FSTL4: variants seen among roughly 807,000 people sequenced by gnomAD.
FSTL4 encodes the protein follistatin-related protein 4.
Under a neutral mutation model 78.2 loss-of-function variants are expected in FSTL4, and 28 were observed. That is an observed-to-expected ratio of 0.36 (90% CI 0.27 to 0.49). The LOEUF is 0.49. Ranked by LOEUF, FSTL4 falls within the 20% of genes least tolerant of loss-of-function variation. The probability of loss-of-function intolerance (pLI) is 0.98; values close to 1 mark genes in which losing one functional copy is unlikely to be tolerated. For synonymous variants in FSTL4, 422 were observed against 440.5 expected, an observed-to-expected ratio of 0.96 and a Z score of 0.53; for missense variants, 922 against 1,084.9, an observed-to-expected ratio of 0.85 and a Z score of 2.11.
the FSTL4 span, among the ~76,000 whole-genome samples, chr5:133,705,869 G>GCGCGCGCACACA: frequency 6.8e-5 from 10 of 147,894 alleles, no homozygotes; most frequent in African/African-American, 2.5e-4. Flanking sequence ...ACACACACAC[G>GCGCGCGCACACA]CACACACACA....
intron 14 of FSTL4, among the ~76,000 whole-genome samples, chr5:133,202,998 T>C (rs11949950): frequency 0.011 from 1,742 of 152,264 alleles, 33 homozygotes; most frequent in African/African-American, 0.04. Context: ...ACCCCTGTGG[T>C]CAGGCTGGGC....
rs921122722 is a variant in FSTL4, at chr5:133,603,738, G to A, written c.126+120C>T. On this transcript the variant is annotated intron_variant, in intron 2 of 15. Coordinates refer to ENST00000265342, the MANE Select transcript of FSTL4 (RefSeq NM_015082.2). ...CTTCTGTCCCCACCAAAAAGGAAGTGCAATTTTAATTCACTTTGTGATCTA... is the reference window on the plus strand; with the variant it reads ...CTTCTGTCCCCACCAAAAAGGAAGTACAATTTTAATTCACTTTGTGATCTA... 36 of 1,162,688 alleles carry A rather than the reference G, an allele frequency of 3.1e-5. 1 individual carries two copies. In the African/African-American group the frequency reaches 3.3e-4, roughly 11 times the overall value. The allele number at this position is 1,162,688 out of a possible 1,614,324, so 72.0% of individuals were successfully genotyped here.
chr5:133,377,323 A>G (rs1465420392), intron 4 of FSTL4, among the ~76,000 whole-genome samples: 2 of 150,148 alleles, frequency 1.3e-5, no homozygotes, highest in Non-Finnish European at 2.9e-5. Flanking sequence ...AGAGTCTACC[A>G]TGACAACCAG....
At chr5:133,734,228 G>T in the FSTL4 span, among the ~76,000 whole-genome samples, 1 of 152,198 alleles carries the variant, frequency 6.6e-6, no homozygotes, top group Non-Finnish European at 1.5e-5. Flanking sequence ...GTAACATAGA[G>T]ACTTTTGTTT....
intron 6 of FSTL4, among the ~76,000 whole-genome samples, chr5:133,257,344 G>C (rs1237820062): frequency 1.3e-5 from 2 of 152,176 alleles, no homozygotes; most frequent in African/African-American, 4.8e-5. Context: ...TTTCTTGGTA[G>C]AGCCCTCCCT....
intron 6 of FSTL4, among the ~76,000 whole-genome samples, chr5:133,311,859 C>T (rs1039108002): frequency 6.6e-6 from 1 of 152,090 alleles, no homozygotes; most frequent in Non-Finnish European, 1.5e-5. Context: ...ATGTAAGGGG[C>T]TTCATCTCTT....
the FSTL4 span, among the ~76,000 whole-genome samples, chr5:133,660,639 C>T: frequency 1.9e-4 from 29 of 152,166 alleles, no homozygotes; most frequent in South Asian, 2.1e-4. Flanking sequence ...CCCACCCTGT[C>T]CCTCTCCCCA....
At chr5:133,375,426 A>G (rs1260061334) in intron 4 of FSTL4, among the ~76,000 whole-genome samples, 2 of 151,404 alleles carry the variant, frequency 1.3e-5, no homozygotes, top group African/African-American at 4.8e-5. Context: ...TGGAAATAAT[A>G]CATAATACCT....
At chr5:133,779,456 G>T in the FSTL4 span, among the ~76,000 whole-genome samples, 1 of 152,164 alleles carries the variant, frequency 6.6e-6, no homozygotes, top group South Asian at 2.1e-4. Flanking sequence ...TGTGGTGGCG[G>T]GCACCTGTAG....
chr5:133,425,224 A>AC (rs201482331), intron 3 of FSTL4, among the ~76,000 whole-genome samples: 3,618 of 144,154 alleles, frequency 0.025, 58 homozygotes, highest in Non-Finnish European at 0.036. Context: ...CTTCAAAGTG[A>AC]CCTAAAAAAA....
upstream of FSTL4, among the ~76,000 whole-genome samples, chr5:133,614,263 A>G (rs1052245517): frequency 6.6e-6 from 1 of 152,152 alleles, no homozygotes; most frequent in Non-Finnish European, 1.5e-5. Context: ...TTTGTTTTTT[A>G]GTAACTCAAG....
At chr5:133,333,005 GTCTCTCTC>G (rs372183397) in intron 4 of FSTL4, among the ~76,000 whole-genome samples, 1 of 151,152 alleles carries the variant, frequency 6.6e-6, no homozygotes, top group African/African-American at 2.4e-5. Flanking sequence ...CTCTCTCTCT[GTCTCTCTC>G]TCTCTGTCTG....
At chr5:133,622,326 T>C in the FSTL4 span, among the ~76,000 whole-genome samples, 1 of 152,178 alleles carries the variant, frequency 6.6e-6, no homozygotes, top group Non-Finnish European at 1.5e-5. Flanking sequence ...TGATTACAAA[T>C]AAAGTTGCTA....
Position 133,302,739 on chromosome 5 carries a change from C to G in FSTL4, c.727+9915G>C, listed in dbSNP as rs191221252. Among the ~76,000 whole-genome samples the G allele has an allele frequency of 8.5e-4, 129 of 152,364 alleles. 1 individual carries two copies. The highest frequency in any genetic ancestry group is 3.0e-3 in the African/African-American group (125 of 41,580). On this transcript the variant is annotated intron_variant, in intron 6 of 15. Transcript: ENST00000265342. Reference sequence around the variant, plus strand: ...GACCACTGTGTGGAACCATGGTGAGCTGCTCACCCGGCGCATGCCACACGT... The same window carrying G: ...GACCACTGTGTGGAACCATGGTGAGGTGCTCACCCGGCGCATGCCACACGT...
At chr5:133,819,663 C>A in the FSTL4 span, among the ~76,000 whole-genome samples, 2 of 152,168 alleles carry the variant, frequency 1.3e-5, no homozygotes, top group African/African-American at 4.8e-5. Flanking sequence ...ACCGGGCTGC[C>A]CACGCATTGT....
chr5:133,799,629 C>T, the FSTL4 span, among the ~76,000 whole-genome samples: 1 of 138,466 alleles, frequency 7.2e-6, no homozygotes, highest in Non-Finnish European at 1.6e-5. Flanking sequence ...CTCCTCCTAC[C>T]CTGCCCCCAG....
chr5:133,753,907 GCC>G, the FSTL4 span, among the ~76,000 whole-genome samples: 1 of 152,132 alleles, frequency 6.6e-6, no homozygotes, highest in Non-Finnish European at 1.5e-5. Flanking sequence ...TCCCAGTTAT[GCC>G]CCTTAACTTC....
rs180898689 is a variant in FSTL4 at position 133,452,103 on chromosome 5, T to G, written c.161-51117A>C. On this transcript the variant is annotated intron_variant, in intron 3 of 15. Transcript: ENST00000265342. ...CGTGGAGTTCCACACAGCAGGCTGTTGGGGCACAGAGGATGGAGCCCTCCC... is the reference window on the plus strand; with the variant it reads ...CGTGGAGTTCCACACAGCAGGCTGTGGGGGCACAGAGGATGGAGCCCTCCC... Among the ~76,000 whole-genome samples, 975 of 152,306 alleles carry G rather than the reference T, an allele frequency of 6.4e-3. 10 individuals carry two copies. Among genetic ancestry groups the G allele is most frequent in the African/African-American group, 0.022 (906 of 41,566 alleles).
chr5:133,242,834 CA>C (rs1467803859), intron 7 of FSTL4, among the ~76,000 whole-genome samples: 2 of 152,180 alleles, frequency 1.3e-5, no homozygotes, highest in African/African-American at 4.8e-5. Flanking sequence ...AAAATGTACC[CA>C]AGCATTTAAT....
Sources: gnomAD v4.1 joint callset for allele counts (sites outside exome capture counted in the v4.1 genomes callset) on GRCh38, gnomAD v4.1.1 for gene constraint, MANE v1.5 for transcripts, NCBI Gene and HGNC (gene_info 2026-07-23, HGNC 2026-07-21) for gene names.